Variants in COL5A2 observed in about 807,000 individuals in gnomAD.
COL5A2 encodes the protein collagen type V alpha 2 chain.
Under a neutral mutation model 208.2 loss-of-function variants are expected in COL5A2, and 23 were observed. The ratio of observed to expected loss-of-function variants is 0.11; its 90% CI spans 0.08 to 0.16. The LOEUF is 0.16. Ranked by LOEUF, COL5A2 falls within the 10% of genes least tolerant of loss-of-function variation. The pLI is 1.00. For synonymous variants in COL5A2, 625 were observed against 628.5 expected (o/e 0.99, Z 0.08); for missense variants, 1,590 against 1,956.4 (o/e 0.81, Z 3.53).
intron 51 of COL5A2, 43 bp downstream of exon 51, chr2:189,039,229 C>A: frequency 6.2e-7 from 1 of 1,610,088 alleles, no homozygotes; most frequent in South Asian, 1.1e-5. Flanking sequence ...AATAAACAAT[C>A]AGAAACAACG....
chr2:189,210,470 G>A lies in COL5A2; in HGVS notation c.-42+14678C>T, dbSNP rs1188743321. 2.7e-5 allele frequency among the ~76,000 whole-genome samples: 4 copies of A among 148,746 alleles called. No individual in the cohort carries two copies. In the East Asian group the frequency reaches 5.9e-4, roughly 22 times the overall value. On this transcript the variant is annotated intron_variant, in intron 1 of 10. Transcript: ENST00000649966. ...AAGGACAGAGGAAGCCATTGAAAGT[G>A]GAAAACTGAAAATCCAAATATGGTG...
chr2:189,066,719 G>A lies in COL5A2; in HGVS notation c.1455+10C>T. On this transcript the variant is annotated intron_variant, in intron 22 of 53. Transcript: ENST00000374866. Reference sequence around the variant, plus strand: ...ATGTTCTACTTATCATTAAAACAATGAAACCTTACTGGTTCCCCTTTTGGG... The same window carrying A: ...ATGTTCTACTTATCATTAAAACAATAAAACCTTACTGGTTCCCCTTTTGGG... The A allele has an allele frequency of 1.2e-6, 2 of 1,610,262 alleles. No homozygotes were observed. Among genetic ancestry groups the A allele is most frequent in the Non-Finnish European group, 1.7e-6 (2 of 1,176,572 alleles).
At chr2:189,054,796 G>A (rs1277781573) in intron 35 of COL5A2, among the ~76,000 whole-genome samples, 6 of 147,378 alleles carry the variant, frequency 4.1e-5, no homozygotes, top group Non-Finnish European at 8.9e-5. Flanking sequence ...ATCTTTGAAC[G>A]CTTGCCCTGG....
chr2:189,079,123 A>C lies in COL5A2; in HGVS notation c.961-16T>G. 6.2e-7 allele frequency: 1 copy of C among 1,605,716 alleles called. No homozygotes were observed. Among genetic ancestry groups the C allele is most frequent in the Non-Finnish European group, 8.5e-7 (1 of 1,172,610 alleles). ...CAGCTTCACCCTAAAAAAAAATGAG[A>C]ATACATTACAGTATGAGAAGCCTAC... On this transcript the variant is annotated splice_polypyrimidine_tract_variant and intron_variant, in intron 14 of 53. Coordinates refer to ENST00000374866, the MANE Select transcript of COL5A2 (RefSeq NM_000393.5).
intron 6 of COL5A2, among the ~76,000 whole-genome samples, chr2:189,094,855 T>C (rs1186428108): frequency 1.3e-5 from 2 of 150,942 alleles, no homozygotes; most frequent in Non-Finnish European, 3.0e-5. Flanking sequence ...ATGAAAATCA[T>C]TGGCTAATCC....
At chr2:189,419,325 C>T in the COL5A2 span, among the ~76,000 whole-genome samples, 65 of 152,206 alleles carry the variant, frequency 4.3e-4, no homozygotes, top group African/African-American at 1.5e-3. Context: ...GTACTCTACA[C>T]GTACACAAAA....
chr2:189,129,852 G>A (rs751413950), intron 1 of COL5A2, among the ~76,000 whole-genome samples: 1 of 152,022 alleles, frequency 6.6e-6, no homozygotes, highest in Non-Finnish European at 1.5e-5. Flanking sequence ...GCTTACACTT[G>A]TTTGAAATTG....
intron 1 of COL5A2, among the ~76,000 whole-genome samples, chr2:189,168,889 T>G (rs1379691114): frequency 6.6e-6 from 1 of 152,192 alleles, no homozygotes; most frequent in African/African-American, 2.4e-5. Flanking sequence ...GAAAGAACAG[T>G]GCAGCAAAGT....
chr2:189,168,755 T>C (rs1037306813), intron 1 of COL5A2, among the ~76,000 whole-genome samples: 7 of 152,190 alleles, frequency 4.6e-5, no homozygotes, highest in African/African-American at 1.7e-4. Flanking sequence ...AGAACAACCA[T>C]ATTGAATATC....
At chr2:189,266,840 T>C in the COL5A2 span, among the ~76,000 whole-genome samples, 1 of 152,144 alleles carries the variant, frequency 6.6e-6, no homozygotes, top group Non-Finnish European at 1.5e-5. Context: ...TTTCTGTCAC[T>C]AGGTAGTCAA....
chr2:189,326,859 T>A, the COL5A2 span, among the ~76,000 whole-genome samples: 5 of 151,906 alleles, frequency 3.3e-5, no homozygotes, highest in East Asian at 9.7e-4. Context: ...TCACTTGAGG[T>A]CAGGAGTTCA....
At chr2:189,317,756 T>G in the COL5A2 span, among the ~76,000 whole-genome samples, 2 of 152,182 alleles carry the variant, frequency 1.3e-5, no homozygotes, top group African/African-American at 2.4e-5. Flanking sequence ...ACTAAGAATT[T>G]TTTTTATGCT....
At chr2:189,326,469 G>A in the COL5A2 span, among the ~76,000 whole-genome samples, 1 of 151,978 alleles carries the variant, frequency 6.6e-6, no homozygotes, top group Non-Finnish European at 1.5e-5. Context: ...CCGAGGCCAG[G>A]AATTGGAGAC....
chr2:189,320,745 G>C, the COL5A2 span, among the ~76,000 whole-genome samples: 1 of 152,216 alleles, frequency 6.6e-6, no homozygotes, highest in African/African-American at 2.4e-5. Context: ...ACATTCTTCA[G>C]GTTATTATCC....
the COL5A2 span, among the ~76,000 whole-genome samples, chr2:189,322,899 G>C: frequency 1.3e-4 from 20 of 152,174 alleles, no homozygotes; most frequent in Non-Finnish European, 2.4e-4. Context: ...CAATATCCCT[G>C]ATGAACATCG....
At chr2:189,427,450 G>C in the COL5A2 span, among the ~76,000 whole-genome samples, 1 of 152,246 alleles carries the variant, frequency 6.6e-6, no homozygotes, top group Non-Finnish European at 1.5e-5. Flanking sequence ...CAATGCAGAA[G>C]GAAAATGTGG....
intron 1 of COL5A2, among the ~76,000 whole-genome samples, chr2:189,188,328 G>T (rs1239657675): frequency 6.6e-6 from 1 of 152,052 alleles, no homozygotes; most frequent in Non-Finnish European, 1.5e-5. Flanking sequence ...TGTTAGAAAG[G>T]CAAATGAAAA....
intron 1 of COL5A2, among the ~76,000 whole-genome samples, chr2:189,140,633 A>T (rs944238153): frequency 2.6e-5 from 4 of 152,164 alleles, no homozygotes; most frequent in Non-Finnish European, 5.9e-5. Flanking sequence ...ACAGCTTTAC[A>T]TTTCCTTACT....
chr2:189,237,876 C>A, the COL5A2 span, among the ~76,000 whole-genome samples: 1 of 151,812 alleles, frequency 6.6e-6, no homozygotes, highest in South Asian at 2.1e-4. Flanking sequence ...TATCTCAAGG[C>A]TCAGTTTTGT....
Sources: gnomAD v4.1 joint callset for allele counts (sites outside exome capture counted in the v4.1 genomes callset) on GRCh38, gnomAD v4.1.1 for gene constraint, MANE v1.5 for transcripts, NCBI Gene and HGNC (gene_info 2026-07-23, HGNC 2026-07-21) for gene names.